Variants in ENTREP2 observed in about 807,000 individuals in gnomAD.
The protein encoded by ENTREP2 is protein ENTREP2.
chr15:29,394,886 T>C, the ENTREP2 span, among the ~76,000 whole-genome samples: 11 of 108,910 alleles, frequency 1.0e-4, no homozygotes, highest in South Asian at 3.1e-4. Flanking sequence ...GAATCTCTTT[T>C]TTTTTTTTTT....
chr15:29,548,256 C>T, the ENTREP2 span, among the ~76,000 whole-genome samples: 1 of 151,926 alleles, frequency 6.6e-6, no homozygotes, highest in African/African-American at 2.4e-5. Context: ...GGATTCAAGA[C>T]CAGCCTGGTC....
chr15:29,637,922 C>T, the ENTREP2 span, among the ~76,000 whole-genome samples: 6 of 148,306 alleles, frequency 4.0e-5, no homozygotes, highest in Non-Finnish European at 8.8e-5. Context: ...CAGCCAAGCA[C>T]CTGAAGATGG....
At chr15:29,506,661 C>T in the ENTREP2 span, among the ~76,000 whole-genome samples, 1 of 152,162 alleles carries the variant, frequency 6.6e-6, no homozygotes, top group East Asian at 1.9e-4. Context: ...CCAAACTAAG[C>T]TTCATAAGTG....
chr15:29,272,368 T>C, the ENTREP2 span, among the ~76,000 whole-genome samples: 2 of 152,208 alleles, frequency 1.3e-5, no homozygotes, highest in African/African-American at 4.8e-5. Flanking sequence ...TCCATCTCCA[T>C]GTCTGCAGTT....
the ENTREP2 span, among the ~76,000 whole-genome samples, chr15:29,384,591 CT>C: frequency 2.0e-5 from 3 of 152,300 alleles, no homozygotes; most frequent in Admixed American, 2.0e-4. Context: ...GGCCCCACTC[CT>C]GTCCAGGCCA....
chr15:29,400,129 C>G, the ENTREP2 span, among the ~76,000 whole-genome samples: 1 of 152,148 alleles, frequency 6.6e-6, no homozygotes, highest in Non-Finnish European at 1.5e-5. Context: ...CTCTTGTGCC[C>G]GTGCACATAT....
the ENTREP2 span, among the ~76,000 whole-genome samples, chr15:29,157,695 G>A: frequency 7.3e-5 from 11 of 151,620 alleles, no homozygotes; most frequent in African/African-American, 2.7e-4. Context: ...TATATCTCAG[G>A]AGAACAATTC....
the ENTREP2 span, among the ~76,000 whole-genome samples, chr15:29,454,436 C>T: frequency 6.6e-6 from 1 of 152,168 alleles, no homozygotes; most frequent in South Asian, 2.1e-4. Context: ...CAATCTTTCC[C>T]CTTATTATGA....
chr15:29,355,207 G>A, the ENTREP2 span, among the ~76,000 whole-genome samples: 8,985 of 152,108 alleles, frequency 0.059, 439 homozygotes, highest in African/African-American at 0.13. Context: ...GGCTAGCCCT[G>A]ACAGCCTCAC....
the ENTREP2 span, chr15:29,126,509 T>C: frequency 6.5e-7 from 1 of 1,548,630 alleles, no homozygotes; most frequent in Admixed American, 2.0e-5. Context: ...AGAAGGGACA[T>C]GGCATTAGAG....
chr15:29,656,937 A>C, the ENTREP2 span, among the ~76,000 whole-genome samples: 1 of 152,130 alleles, frequency 6.6e-6, no homozygotes, highest in African/African-American at 2.4e-5. Context: ...AAACTCCATA[A>C]ATAGCCCAAA....
the ENTREP2 span, among the ~76,000 whole-genome samples, chr15:29,615,839 C>T: frequency 6.6e-6 from 1 of 152,178 alleles, no homozygotes; most frequent in Non-Finnish European, 1.5e-5. Context: ...ATCCACTGTG[C>T]AGATTGTCTT....
At chr15:29,480,364 A>C in the ENTREP2 span, among the ~76,000 whole-genome samples, 4 of 149,362 alleles carry the variant, frequency 2.7e-5, no homozygotes, top group African/African-American at 9.8e-5. Flanking sequence ...AAAAAAAAAA[A>C]AACCCACAAA....
the ENTREP2 span, among the ~76,000 whole-genome samples, chr15:29,250,419 T>C: frequency 6.6e-6 from 1 of 152,196 alleles, no homozygotes; most frequent in East Asian, 1.9e-4. Context: ...ATATCTGTGG[T>C]ACATGATGTT....
At chr15:29,543,107 G>A in the ENTREP2 span, among the ~76,000 whole-genome samples, 1 of 152,040 alleles carries the variant, frequency 6.6e-6, no homozygotes, top group East Asian at 1.9e-4. Flanking sequence ...CTTTTAATGA[G>A]ACTCTCTACA....
the ENTREP2 span, chr15:29,121,560 T>G: frequency 6.6e-6 from 1 of 152,214 alleles, no homozygotes. Context: ...GGGCGGCCAT[T>G]CTGAAAATCC....
chr15:29,147,771 AC>A, the ENTREP2 span, among the ~76,000 whole-genome samples: 28 of 152,238 alleles, frequency 1.8e-4, no homozygotes, highest in African/African-American at 6.8e-4. Context: ...CATCCTTATG[AC>A]CCAGCAATTC....
At chr15:29,359,858 C>T in the ENTREP2 span, among the ~76,000 whole-genome samples, 1 of 152,172 alleles carries the variant, frequency 6.6e-6, no homozygotes, top group African/African-American at 2.4e-5. Flanking sequence ...TGATTAAATA[C>T]ACATGAAAAT....
At chr15:29,304,937 G>A in the ENTREP2 span, among the ~76,000 whole-genome samples, 2 of 152,110 alleles carry the variant, frequency 1.3e-5, no homozygotes, top group Admixed American at 6.5e-5. Context: ...CAGCTCTGCT[G>A]TCACCATCCT....
Sources: allele counts gnomAD v4.1 joint callset (sites outside exome capture counted in the v4.1 genomes callset), GRCh38; gene constraint gnomAD v4.1.1; transcripts MANE v1.5; gene names NCBI Gene and HGNC (gene_info 2026-07-23, HGNC 2026-07-21).